The following ITGAD variants were observed in gnomAD, a reference collection of about 807,000 sequenced individuals.
ITGAD encodes the protein integrin alpha-D.
In ITGAD, 105 loss-of-function variants were observed where a neutral mutation model predicts 139.0. The ratio of observed to expected loss-of-function variants is 0.76; its 90% confidence interval spans 0.65 to 0.89. The LOEUF is 0.89. Among genes scored for constraint, ITGAD ranks in the 40% least tolerant of loss-of-function variants. ITGAD has a pLI of 0.00. For missense variants in ITGAD, 1,384 were observed against 1,487.3 expected (o/e 0.93, Z 1.14); for synonymous variants, 569 against 598.3 (o/e 0.95, Z 0.71).
In ITGAD at chr16:31,403,630, G is replaced by A. The variant is rs1317670905; in HGVS notation, c.689G>A (p.Gly230Asp). 6.2e-7 allele frequency: 1 copy of A among 1,614,154 alleles called. No individual in the cohort carries two copies. The highest frequency in any genetic ancestry group is 8.5e-7 in the Non-Finnish European group (1 of 1,180,030). Residue 230 changes from glycine to aspartate, a missense_variant, in exon 7 of 30, where the codon GGC (glycine) becomes GAC (aspartate). Transcript: ENST00000389202. This position sits in a 1 kb window ranked among gnomAD's most constrained non-coding sequence, Gnocchi z 4.4. ...AAAGGCCTGACGTTCACGGCCACGG[G>A]CATCCTGACAGTGGTGTAAGCAACC... ...QLKGLTFTAT[G>D]ILTVVTQLFH... is the part of the protein sequence containing the mutation.
intron 20 of ITGAD, 122 bp from the exon 21 acceptor site, chr16:31,417,953 A>C: frequency 1.2e-6 from 1 of 806,322 alleles, no homozygotes; most frequent in Non-Finnish European, 2.0e-6. Flanking sequence ...TCTCAAAAAA[A>C]AACAACAACA....
intron 5 of ITGAD, among the ~76,000 whole-genome samples, chr16:31,401,150 C>T (rs990777352): frequency 5.9e-5 from 9 of 152,278 alleles, no homozygotes; most frequent in African/African-American, 1.9e-4. Context: ...GTCCCAGCTA[C>T]TCAGGAGACT....
At chr16:31,394,967 C>A (rs938131748) in intron 2 of ITGAD, among the ~76,000 whole-genome samples, 2 of 152,202 alleles carry the variant, frequency 1.3e-5, no homozygotes, top group African/African-American at 2.4e-5. Flanking sequence ...GTGTGAGCCA[C>A]CCTGTCTTGC....
chr16:31,401,998 G>A (rs1597115476), intron 5 of ITGAD, 117 bp from the exon 6 acceptor site: 20 of 1,172,390 alleles, frequency 1.7e-5, no homozygotes, highest in Non-Finnish European at 2.3e-5. Flanking sequence ...CCTCCAAGGA[G>A]GGGTCGGAAA....
chr16:31,416,679 G>A (rs753537813), intron 20 of ITGAD, 33 bp downstream of exon 20: 4 of 1,580,478 alleles, frequency 2.5e-6, no homozygotes, highest in African/African-American at 2.7e-5. Flanking sequence ...GTGGGAGGGG[G>A]CCTCTCCCCT....
chr16:31,408,354 C>G, intron 9 of ITGAD, 71 bp from the exon 10 acceptor site: 2 of 1,304,406 alleles, frequency 1.5e-6, no homozygotes, highest in Non-Finnish European at 2.2e-6. Flanking sequence ...AGATCATGTT[C>G]TCCTCCCTGT....
At chr16:31,414,054 A>G (rs1348569386) in intron 16 of ITGAD, among the ~76,000 whole-genome samples, 2 of 152,108 alleles carry the variant, frequency 1.3e-5, no homozygotes, top group South Asian at 2.1e-4. Context: ...TATCTGCCAA[A>G]TCTGTCATCT....
At chr16:31,408,563 G>A (rs2081598919) in intron 10 of ITGAD, 65 bp downstream of exon 10, 1 of 1,446,700 alleles carries the variant, frequency 6.9e-7, no homozygotes, top group East Asian at 2.3e-5. Context: ...CCTGGGCTGG[G>A]GGCTGGGAGC....
Position 31,403,806 on chromosome 16 carries a change from G to A in ITGAD, c.704+161G>A. On this transcript the variant is annotated intron_variant, in intron 7 of 29. Transcript: ENST00000389202. The surrounding 1 kb of genome is among the most constrained non-coding windows in gnomAD (Gnocchi z 4.4). ...GAGAACCTCCCCCCGGGGTGCTCCT[G>A]GTTGCCTCGCTGCCAGTCTCCCTGA... The A allele has an allele frequency of 1.2e-6, 1 of 803,432 alleles. No individual in the cohort carries two copies. The highest frequency in any genetic ancestry group is 1.9e-6 in the Non-Finnish European group (1 of 517,212). 49.8% of individuals were successfully genotyped at this position (803,432 alleles called of 1,614,324 possible).
Position 31,414,554 on chromosome 16 carries a change from A to G in ITGAD, c.2100A>G (p.Arg700=). 1.2e-6 allele frequency: 2 copies of G among 1,614,236 alleles called. No individual in the cohort carries two copies. Among genetic ancestry groups the G allele is most frequent in the East Asian group, 2.2e-5 (1 of 44,892 alleles). ...CCAAGAACCCCACTTTGACTCGAAG[A>G]AAAACCCTGGGACTGGGGATTCACT... ...NETKNPTLTR[R]KTLGLGIHCE... Residue 700 remains arginine (R), a synonymous_variant, in exon 17 of 30, where the codon AGA becomes AGG. Transcript: ENST00000389202.
At chr16:31,401,134 C>G (rs1318421298) in intron 5 of ITGAD, among the ~76,000 whole-genome samples, 1 of 152,134 alleles carries the variant, frequency 6.6e-6, no homozygotes, top group African/African-American at 2.4e-5. Flanking sequence ...GTGGTGCACA[C>G]CTGTAGTCCC....
chr16:31,394,306 C>G lies in ITGAD; in HGVS notation c.102C>G (p.Gly34=), dbSNP rs2142555320. 1 of 1,613,712 alleles carries G rather than the reference C, an allele frequency of 6.2e-7. No individual in the cohort carries two copies. The highest frequency in any genetic ancestry group is 1.3e-5 in the African/African-American group (1 of 74,958). The part of the protein sequence containing the change: ...EPTIFQEDAG[G]FGQSVVQFGG... ...CGATCTTCCAGGAGGATGCAGGCGG[C>G]TTTGGGCAGAGCGTGGTGCAGTTCG... is the stretch of plus-strand genomic sequence containing the variant. Residue 34 remains glycine (G), a synonymous_variant, in exon 2 of 30, where the codon GGC becomes GGG. Coordinates refer to ENST00000389202, the MANE Select transcript of ITGAD (RefSeq NM_005353.3).
At chr16:31,418,261 C>A in intron 21 of ITGAD, 40 bp from the exon 22 acceptor site, 3 of 1,607,260 alleles carry the variant, frequency 1.9e-6, no homozygotes, top group Non-Finnish European at 2.6e-6. Flanking sequence ...TCTGCCATGC[C>A]CTTCCTTTTA....
chr16:31,409,432 T>A (rs1273426644), intron 10 of ITGAD, among the ~76,000 whole-genome samples: 2 of 152,140 alleles, frequency 1.3e-5, no homozygotes, highest in African/African-American at 4.8e-5. Context: ...GGTCAAGAAT[T>A]GATCACTCAA....
At chr16:31,413,013 C>A in intron 15 of ITGAD, 45 bp downstream of exon 15, 1 of 1,603,038 alleles carries the variant, frequency 6.2e-7, no homozygotes, top group Non-Finnish European at 8.5e-7. Context: ...GTGTCTGATT[C>A]ACCGGTGCTG....
At position 31,411,486 on chromosome 16, in the gene ITGAD, C is replaced by T. The variant is rs558081828; in HGVS notation, c.1676C>T (p.Ser559Leu). 2,090 of 1,613,860 alleles carry T rather than the reference C, an allele frequency of 1.3e-3. 3 individuals carry two copies. The highest frequency in any genetic ancestry group is 1.6e-3 in the Non-Finnish European group (1,943 of 1,179,758). The change falls in exon 14 of 30, where the codon TCA becomes TTA. Residue 559 changes from serine to leucine, a missense_variant. Transcript: ENST00000389202. ...GCTGTCTACCTGTTTCACGGAGCCTCAGAATCCGGCATCAGCCCCTCCCAC... is the reference window on the plus strand; with the variant it reads ...GCTGTCTACCTGTTTCACGGAGCCTTAGAATCCGGCATCAGCCCCTCCCAC... ...RGAVYLFHGASESGISPSHSQ... is the reference protein window; with the variant it reads ...RGAVYLFHGALESGISPSHSQ...
chr16:31,415,785 G>A (rs1597150060), intron 18 of ITGAD, among the ~76,000 whole-genome samples: 1 of 152,184 alleles, frequency 6.6e-6, no homozygotes, highest in East Asian at 1.9e-4. Context: ...TTACACCAAG[G>A]TGGTGCCACA....
intron 20 of ITGAD, among the ~76,000 whole-genome samples, chr16:31,417,010 C>G (rs1217231037): frequency 1.1e-4 from 10 of 95,122 alleles, no homozygotes; most frequent in African/African-American, 4.1e-4. Context: ...CTCCCTCCCC[C>G]CTCCCTCCCT....
Position 31,418,287 on chromosome 16 carries a change from T to C in ITGAD, c.2617-14T>C, listed in dbSNP as rs754485282. ...CTTCCTTTTATCCCCATTCTTTCCT[T>C]CTTCTTCCCTCAGGGCACCTTCATA... is the stretch of plus-strand genomic sequence containing the variant. On this transcript the variant is annotated splice_polypyrimidine_tract_variant and intron_variant, in intron 21 of 29. Coordinates refer to ENST00000389202, the MANE Select transcript of ITGAD (RefSeq NM_005353.3). The C allele has an allele frequency of 2.0e-5, 33 of 1,613,126 alleles. No individual in the cohort carries two copies. The highest frequency in any genetic ancestry group is 1.7e-4 in the Admixed American group (10 of 60,012).
Sources: gnomAD v4.1 joint callset for allele counts (sites outside exome capture counted in the v4.1 genomes callset) on GRCh38, gnomAD v4.1.1 for gene constraint, Gnocchi (gnomAD v3.1) non-coding constraint, MANE v1.5 for transcripts, NCBI Gene and HGNC (gene_info 2026-07-23, HGNC 2026-07-21) for gene names.